The following SLC35F1 variants were observed in gnomAD, a reference collection of about 807,000 sequenced individuals.
SLC35F1 encodes chromosome 6 open reading frame 169.
A neutral mutation model predicts 48.7 loss-of-function variants in SLC35F1; 14 were observed. The ratio of observed to expected loss-of-function variants is 0.29; its 90% CI spans 0.19 to 0.45. The LOEUF is 0.45. Ranked by LOEUF, SLC35F1 falls within the 20% of genes least tolerant of loss-of-function variation. The pLI is 1.00. For synonymous variants in SLC35F1, 190 were observed against 202.2 expected (o/e 0.94, Z 0.51); for missense variants, 404 against 500.0 (o/e 0.81, Z 1.83).
intron 2 of SLC35F1, among the ~76,000 whole-genome samples, chr6:118,200,631 T>G (rs1206683612): frequency 6.6e-6 from 1 of 152,210 alleles, no homozygotes; most frequent in East Asian, 1.9e-4. Flanking sequence ...GCCCAGATTT[T>G]TAAGGGACCA....
chr6:118,106,457 C>A (rs1485684863), intron 1 of SLC35F1, among the ~76,000 whole-genome samples: 5 of 152,160 alleles, frequency 3.3e-5, no homozygotes, highest in Non-Finnish European at 5.9e-5. Flanking sequence ...TCTTACCCTG[C>A]CATGTACTCC....
intron 1 of SLC35F1, among the ~76,000 whole-genome samples, chr6:118,051,616 C>G (rs1772393414): frequency 6.6e-6 from 1 of 151,956 alleles, no homozygotes; most frequent in Non-Finnish European, 1.5e-5. Flanking sequence ...TACTTACTCC[C>G]TAGAGATTCA....
intron 1 of SLC35F1, among the ~76,000 whole-genome samples, chr6:117,929,453 ATGTGTG>A (rs143634465): frequency 0.011 from 1,607 of 146,088 alleles, 14 homozygotes; most frequent in Middle Eastern, 0.032. Context: ...GTATGTATTT[ATGTGTG>A]TGTGTGTGTG....
intron 2 of SLC35F1, among the ~76,000 whole-genome samples, chr6:118,173,055 T>C (rs1774430094): frequency 6.6e-6 from 1 of 152,108 alleles, no homozygotes; most frequent in African/African-American, 2.4e-5. Context: ...AATGAGAATA[T>C]ACAGCACATC....
At chr6:118,262,204 C>T (rs1281688832) in intron 3 of SLC35F1, among the ~76,000 whole-genome samples, 2 of 151,872 alleles carry the variant, frequency 1.3e-5, no homozygotes, top group Non-Finnish European at 2.9e-5. Context: ...GTGTCTAAAG[C>T]CAGGTTAAGG....
At chr6:118,068,640 CTT>C (rs1378516524) in intron 1 of SLC35F1, among the ~76,000 whole-genome samples, 1 of 152,104 alleles carries the variant, frequency 6.6e-6, no homozygotes, top group Non-Finnish European at 1.5e-5. Context: ...CCAGGGGAAA[CTT>C]TTTTTCATTA....
At chr6:117,940,335 G>T (rs906281111) in intron 1 of SLC35F1, among the ~76,000 whole-genome samples, 3 of 152,078 alleles carry the variant, frequency 2.0e-5, no homozygotes, top group African/African-American at 7.2e-5. Flanking sequence ...ATTACTGAGG[G>T]TCATCTGGGA....
At chr6:118,090,274 A>G (rs1208847386) in intron 1 of SLC35F1, among the ~76,000 whole-genome samples, 2 of 152,158 alleles carry the variant, frequency 1.3e-5, no homozygotes, top group Non-Finnish European at 2.9e-5. Context: ...TAGTCCTAGA[A>G]ATGGGTTTTG....
intron 3 of SLC35F1, among the ~76,000 whole-genome samples, chr6:118,245,350 C>T (rs564135104): frequency 2.0e-5 from 3 of 152,292 alleles, no homozygotes; most frequent in Non-Finnish European, 4.4e-5. Flanking sequence ...CATCACAACC[C>T]CCACACTCAT....
At chr6:118,126,548 T>C (rs964688147) in intron 1 of SLC35F1, among the ~76,000 whole-genome samples, 2 of 151,760 alleles carry the variant, frequency 1.3e-5, no homozygotes, top group African/African-American at 4.8e-5. Context: ...GGGGATGGCA[T>C]TGAATCTATA....
chr6:117,923,791 G>GTATATATA (rs1562239053), intron 1 of SLC35F1, among the ~76,000 whole-genome samples: 2 of 71,060 alleles, frequency 2.8e-5, no homozygotes, highest in African/African-American at 1.4e-4. Context: ...ATACATATAT[G>GTATATATA]TACATATATA....
intron 2 of SLC35F1, among the ~76,000 whole-genome samples, chr6:118,172,442 GA>G (rs1454621421): frequency 6.6e-6 from 1 of 152,012 alleles, no homozygotes; most frequent in Non-Finnish European, 1.5e-5. Context: ...AAAATGAAGT[GA>G]ACTTAATATA....
chr6:118,182,917 A>G (rs1774603835), intron 2 of SLC35F1, among the ~76,000 whole-genome samples: 1 of 152,184 alleles, frequency 6.6e-6, no homozygotes, highest in Admixed American at 6.5e-5. Context: ...AACCAAATTT[A>G]ACCCTTAAAG....
In SLC35F1 at chr6:118,104,678, ACT is replaced by A. The variant is rs200674798; in HGVS notation, c.174-49761_174-49760del. On this transcript the variant is annotated intron_variant, in intron 1 of 7. Coordinates refer to ENST00000360388, the MANE Select transcript of SLC35F1 (RefSeq NM_001029858.4). ...ATAAAGGACTGATACATAATTCTGAACTCTCTCATCATCGTTATCTTGAAGAT... is the reference window on the plus strand; with the variant it reads ...ATAAAGGACTGATACATAATTCTGAACTCTCATCATCGTTATCTTGAAGAT... 6.6e-3 allele frequency among the ~76,000 whole-genome samples: 1,012 copies of A among 152,200 alleles called. 7 individuals are homozygous for A. Among genetic ancestry groups the A allele is most frequent in the Non-Finnish European group, 0.01 (706 of 67,998 alleles).
intron 1 of SLC35F1, among the ~76,000 whole-genome samples, chr6:117,965,904 G>C (rs971190390): frequency 3.3e-5 from 5 of 152,016 alleles, no homozygotes; most frequent in Non-Finnish European, 5.9e-5. Flanking sequence ...AGGGGACCTG[G>C]AGAACTTTTC....
chr6:118,180,081 A>T (rs899403543), intron 2 of SLC35F1, among the ~76,000 whole-genome samples: 4 of 152,136 alleles, frequency 2.6e-5, no homozygotes, highest in Non-Finnish European at 5.9e-5. Flanking sequence ...AATAGGAAAA[A>T]CATTTCTCCT....
rs1042644878 is a variant in SLC35F1, at chr6:118,030,121, C to G, written c.173+122222C>G. On this transcript the variant is annotated intron_variant, in intron 1 of 7. Transcript: ENST00000360388. ...GACTTGAAGGAGGCGAGGAAGCAAA[C>G]AATGCTTCCCTCTGGGGGAATCACA... is the stretch of plus-strand genomic sequence containing the variant. Among the ~76,000 whole-genome samples the G allele has an allele frequency of 3.3e-5, 5 of 152,212 alleles. No homozygotes were observed. In the East Asian group the frequency reaches 7.7e-4, roughly 23 times the overall value.
intron 2 of SLC35F1, among the ~76,000 whole-genome samples, chr6:118,165,567 T>C (rs2114487001): frequency 6.6e-6 from 1 of 152,266 alleles, no homozygotes; most frequent in East Asian, 1.9e-4. Context: ...TTCCTGAGTG[T>C]TTTCTCTTCC....
At chr6:118,037,805 C>T (rs546029103) in intron 1 of SLC35F1, among the ~76,000 whole-genome samples, 11 of 145,780 alleles carry the variant, frequency 7.5e-5, no homozygotes, top group South Asian at 2.2e-4. Context: ...CACTCATAAA[C>T]GGGAATTGAA....
Sources: gnomAD v4.1 joint callset for allele counts (sites outside exome capture counted in the v4.1 genomes callset) on GRCh38, gnomAD v4.1.1 for gene constraint, MANE v1.5 for transcripts, NCBI Gene and HGNC (gene_info 2026-07-23, HGNC 2026-07-21) for gene names.